The following ELK3 variants were observed in gnomAD, a reference collection of about 807,000 sequenced individuals.
ELK3 encodes the protein ETS transcription factor ELK3.
A neutral mutation model predicts 28.9 loss-of-function variants in ELK3; 10 were observed. The observed-to-expected ratio is 0.35, with a 90% CI of 0.21 to 0.59. The LOEUF is 0.59. Among genes scored for constraint, ELK3 ranks in the 20% least tolerant of loss-of-function variants. ELK3 has a pLI of 0.82. For synonymous variants in ELK3, 272 were observed against 243.5 expected, an observed-to-expected ratio of 1.12 and a Z score of -1.09; for missense variants, 463 against 517.3, an observed-to-expected ratio of 0.90 and a Z score of 1.02.
intron 3 of ELK3, among the ~76,000 whole-genome samples, chr12:96,251,041 C>T (rs993735109): frequency 2.0e-5 from 3 of 152,166 alleles, no homozygotes; most frequent in Admixed American, 6.6e-5. Context: ...TTTTACAAAT[C>T]GAAGGTTTGT....
intron 4 of ELK3, among the ~76,000 whole-genome samples, chr12:96,264,653 C>T (rs1215733649): frequency 2.0e-5 from 3 of 152,046 alleles, no homozygotes; most frequent in South Asian, 2.1e-4. Flanking sequence ...CGTGTGCTGG[C>T]GTGTGCCTGT....
At chr12:96,255,450 C>A (rs1232740764) in intron 3 of ELK3, 1 of 152,722 alleles carries the variant, frequency 6.5e-6, no homozygotes, top group Admixed American at 6.5e-5. Flanking sequence ...ATGGGCTGGG[C>A]TGGGTGGTCA....
intron 3 of ELK3, among the ~76,000 whole-genome samples, chr12:96,259,497 G>T (rs1403521860): frequency 1.3e-5 from 2 of 152,202 alleles, no homozygotes; most frequent in Non-Finnish European, 2.9e-5. Flanking sequence ...AGTGAACCAA[G>T]ATCGCGCCAT....
At chr12:96,201,099 A>G (rs886101230) in intron 1 of ELK3, among the ~76,000 whole-genome samples, 36 of 152,206 alleles carry the variant, frequency 2.4e-4, no homozygotes, top group African/African-American at 7.5e-4. Flanking sequence ...ATATTGTGGT[A>G]TTTTATTTAA....
intron 1 of ELK3, among the ~76,000 whole-genome samples, chr12:96,203,695 C>T (rs1398591155): frequency 6.6e-6 from 1 of 152,194 alleles, no homozygotes; most frequent in Admixed American, 6.5e-5. Flanking sequence ...AATCCCAGCA[C>T]TTTGAGAGGC....
At position 96,268,087 on chromosome 12, in the gene ELK3, A is replaced by G. The variant is rs1952054405; in HGVS notation, c.*907A>G. The G allele has an allele frequency of 6.6e-6, 1 of 152,254 alleles. No homozygotes were observed. The highest frequency in any genetic ancestry group is 2.4e-5 in the African/African-American group (1 of 41,468). 9.4% of individuals were successfully genotyped at this position (152,254 alleles called of 1,614,324 possible). A position where few individuals can be genotyped will look rare whatever the true frequency, so the allele number is the denominator to read the frequency against. Reference sequence around the variant, plus strand: ...CATCTGATATATTTACTGTGTCAGTATAAGTAAGTTGGGGTTCCCCTGGAA... The same window carrying G: ...CATCTGATATATTTACTGTGTCAGTGTAAGTAAGTTGGGGTTCCCCTGGAA... On this transcript the variant is annotated 3_prime_UTR_variant, in exon 5 of 5. Transcript: ENST00000228741.
chr12:96,210,559 GCGCACGCA>G (rs896027912), intron 1 of ELK3, among the ~76,000 whole-genome samples: 16 of 143,064 alleles, frequency 1.1e-4, no homozygotes, highest in African/African-American at 3.9e-4. Flanking sequence ...CTGCGCGCGG[GCGCACGCA>G]CACACACACA....
intron 3 of ELK3, among the ~76,000 whole-genome samples, chr12:96,259,020 T>TA (rs1446770407): frequency 3.3e-5 from 5 of 152,190 alleles, no homozygotes; most frequent in African/African-American, 4.8e-5. Context: ...GTAACCCAAG[T>TA]AATAGATGTC....
At chr12:96,199,912 T>C (rs921004180) in intron 1 of ELK3, among the ~76,000 whole-genome samples, 3 of 152,146 alleles carry the variant, frequency 2.0e-5, no homozygotes, top group African/African-American at 7.2e-5. Context: ...ATGAATTTAC[T>C]CACACACTCT....
intron 3 of ELK3, among the ~76,000 whole-genome samples, chr12:96,252,568 C>T (rs532268166): frequency 3.1e-4 from 47 of 152,092 alleles, no homozygotes; most frequent in Non-Finnish European, 6.3e-4. Flanking sequence ...TGATTCCAGC[C>T]CTCATGGATC....
chr12:96,222,753 C>A (rs1951671405), intron 1 of ELK3: 1 of 152,278 alleles, frequency 6.6e-6, no homozygotes, highest in Non-Finnish European at 1.5e-5. Flanking sequence ...TATATTAGTT[C>A]TTTCTCACAT....
At chr12:96,226,233 G>T (rs1403520615) in intron 2 of ELK3, among the ~76,000 whole-genome samples, 1 of 152,202 alleles carries the variant, frequency 6.6e-6, no homozygotes, top group Admixed American at 6.5e-5. Flanking sequence ...CAGGTGGCTG[G>T]TGTGGCCTGC....
chr12:96,221,265 A>G (rs1468048174), intron 1 of ELK3, among the ~76,000 whole-genome samples: 1 of 152,224 alleles, frequency 6.6e-6, no homozygotes, highest in Non-Finnish European at 1.5e-5. Context: ...ATGAAAAGTG[A>G]TTCTGTGATG....
intron 3 of ELK3, among the ~76,000 whole-genome samples, chr12:96,248,621 G>A (rs1053684193): frequency 6.6e-6 from 1 of 152,194 alleles, no homozygotes; most frequent in Admixed American, 6.5e-5. Context: ...TGGAAAATGG[G>A]ACCATGGACA....
At chr12:96,234,529 C>T (rs1019646921) in intron 2 of ELK3, among the ~76,000 whole-genome samples, 19 of 152,314 alleles carry the variant, frequency 1.2e-4, no homozygotes, top group Admixed American at 8.5e-4. Context: ...CTCCTCTGCA[C>T]GGCCTCTCCC....
At chr12:96,234,867 C>T (rs992261491) in intron 2 of ELK3, among the ~76,000 whole-genome samples, 16 of 152,186 alleles carry the variant, frequency 1.1e-4, no homozygotes, top group African/African-American at 3.6e-4. Context: ...GAGGGCGACA[C>T]AGCTCCAGAG....
intron 4 of ELK3, among the ~76,000 whole-genome samples, chr12:96,266,071 T>C (rs1406938545): frequency 6.6e-6 from 1 of 152,186 alleles, no homozygotes; most frequent in Non-Finnish European, 1.5e-5. Flanking sequence ...ATCTGTAAAA[T>C]GGGGACAACA....
At chr12:96,235,087 TG>T (rs1288224496) in intron 2 of ELK3, among the ~76,000 whole-genome samples, 1 of 152,078 alleles carries the variant, frequency 6.6e-6, no homozygotes, top group East Asian at 1.9e-4. Flanking sequence ...TGGAAAGTAC[TG>T]GAGCGTGGCA....
intron 1 of ELK3, among the ~76,000 whole-genome samples, chr12:96,215,979 A>C (rs1031997239): frequency 6.6e-6 from 1 of 152,180 alleles, no homozygotes; most frequent in Non-Finnish European, 1.5e-5. Context: ...AAAAAGCTGA[A>C]AACAGAATAA....
Sources: allele counts gnomAD v4.1 joint callset (sites outside exome capture counted in the v4.1 genomes callset), GRCh38; gene constraint gnomAD v4.1.1; transcripts MANE v1.5; gene names NCBI Gene and HGNC (gene_info 2026-07-23, HGNC 2026-07-21).